Variants in RCL1 observed in about 807,000 individuals in gnomAD.
RCL1 encodes the protein RNA 3'-terminal phosphate cyclase-like protein.
A neutral mutation model predicts 42.4 loss-of-function variants in RCL1; 24 were observed. That is an observed-to-expected ratio of 0.57 (90% CI 0.41 to 0.80). The LOEUF is 0.80. RCL1 is among the 30% of genes least tolerant of loss of function. The pLI, the probability that RCL1 is intolerant of heterozygous loss-of-function variation, is 0.00. For synonymous variants in RCL1, 228 were observed against 177.3 expected, an observed-to-expected ratio of 1.29 and a Z score of -2.27; for missense variants, 578 against 467.9, an observed-to-expected ratio of 1.24 and a Z score of -2.17.
intron 1 of RCL1, among the ~76,000 whole-genome samples, chr9:4,797,663 C>G (rs145166379): frequency 2.7e-4 from 41 of 152,258 alleles, no homozygotes; most frequent in Admixed American, 7.8e-4. Flanking sequence ...TAGAAAAACC[C>G]TGGCCTACTT....
intron 2 of RCL1, among the ~76,000 whole-genome samples, chr9:4,823,891 G>T (rs957067325): frequency 1.3e-5 from 2 of 150,436 alleles, no homozygotes; most frequent in Non-Finnish European, 3.0e-5. Context: ...CATAATAAAA[G>T]CATATCATTC....
chr9:4,807,869 T>C (rs1211084065), intron 1 of RCL1, among the ~76,000 whole-genome samples: 1 of 152,184 alleles, frequency 6.6e-6, no homozygotes, highest in Non-Finnish European at 1.5e-5. Context: ...GTTTGGATAT[T>C]TTCTGCTATT....
chr9:4,815,864 G>A (rs1359704861), intron 1 of RCL1, among the ~76,000 whole-genome samples: 4 of 152,028 alleles, frequency 2.6e-5, no homozygotes, highest in Non-Finnish European at 5.9e-5. Flanking sequence ...GATAGGGATC[G>A]CTAGGATCCT....
chr9:4,858,968 T>C (rs1271254953), intron 8 of RCL1, among the ~76,000 whole-genome samples: 1 of 152,082 alleles, frequency 6.6e-6, no homozygotes, highest in Non-Finnish European at 1.5e-5. Context: ...TGGTGGAGGG[T>C]AGGGAGGGAT....
intron 1 of RCL1, among the ~76,000 whole-genome samples, chr9:4,805,435 A>G (rs183380914): frequency 6.6e-6 from 1 of 152,174 alleles, no homozygotes; most frequent in Non-Finnish European, 1.5e-5. Context: ...CAAAACCAAA[A>G]AACCCCAAAT....
At chr9:4,810,181 T>A (rs1041167718) in intron 1 of RCL1, among the ~76,000 whole-genome samples, 2 of 152,210 alleles carry the variant, frequency 1.3e-5, no homozygotes, top group African/African-American at 4.8e-5. Flanking sequence ...TTCATTTTTT[T>A]AAGTAAATTT....
intron 1 of RCL1, among the ~76,000 whole-genome samples, chr9:4,811,935 T>C (rs575647613): frequency 6.6e-6 from 1 of 152,362 alleles, no homozygotes; most frequent in Non-Finnish European, 1.5e-5. Context: ...TGATTTGCAT[T>C]TCCCTGATAA....
At chr9:4,828,541 TAA>T (rs1367842840) in intron 3 of RCL1, among the ~76,000 whole-genome samples, 7 of 109,608 alleles carry the variant, frequency 6.4e-5, no homozygotes, top group East Asian at 7.1e-4. Flanking sequence ...AATATTTAAT[TAA>T]GTGTTTTTTT....
At chr9:4,806,198 T>G (rs926863160) in intron 1 of RCL1, among the ~76,000 whole-genome samples, 1 of 152,118 alleles carries the variant, frequency 6.6e-6, no homozygotes, top group Non-Finnish European at 1.5e-5. Flanking sequence ...AACAGTTTGA[T>G]TTCTTCATTT....
At chr9:4,836,847 G>C (rs1214655176) in intron 5 of RCL1, 1 of 152,234 alleles carries the variant, frequency 6.6e-6, no homozygotes, top group Non-Finnish European at 1.5e-5. Context: ...GCTCAAACTT[G>C]GGTTGCTGCC....
chr9:4,841,158 C>G, intron 5 of RCL1, 74 bp from the exon 6 acceptor site: 2 of 1,566,210 alleles, frequency 1.3e-6, no homozygotes, highest in Non-Finnish European at 8.8e-7. Context: ...TCCACAAATA[C>G]TTGCCAGCTT....
intron 5 of RCL1, chr9:4,839,740 A>G (rs542424977): frequency 3.1e-6 from 3 of 978,258 alleles, no homozygotes; most frequent in East Asian, 1.1e-4. Context: ...ATTTCTGAGT[A>G]CAAAAGTGGT....
chr9:4,801,114 A>C (rs541566966), intron 1 of RCL1, among the ~76,000 whole-genome samples: 4 of 152,300 alleles, frequency 2.6e-5, no homozygotes, highest in Non-Finnish European at 5.9e-5. Context: ...ATGATGTCTT[A>C]AGTGAAACAT....
At chr9:4,836,494 G>A (rs1368910337) in intron 5 of RCL1, among the ~76,000 whole-genome samples, 6 of 152,084 alleles carry the variant, frequency 3.9e-5, no homozygotes, top group African/African-American at 9.7e-5. Flanking sequence ...TTTTGTTTTG[G>A]GATTTCAGAT....
chr9:4,808,845 G>A (rs1156285345), intron 1 of RCL1, among the ~76,000 whole-genome samples: 1 of 152,100 alleles, frequency 6.6e-6, no homozygotes, highest in Non-Finnish European at 1.5e-5. Context: ...AAGATAGAGG[G>A]CAAAGAAGTT....
chr9:4,858,084 T>C (rs1172778600), intron 8 of RCL1, among the ~76,000 whole-genome samples: 1 of 152,048 alleles, frequency 6.6e-6, no homozygotes, highest in Non-Finnish European at 1.5e-5. Context: ...GGGGTCGTAA[T>C]AGACTGGTCT....
chr9:4,841,297 A>G lies in RCL1; in HGVS notation c.650A>G (p.Asn217Ser). 10 of 1,613,122 alleles carry G rather than the reference A, an allele frequency of 6.2e-6. No individual in the cohort carries two copies. Among genetic ancestry groups the G allele is most frequent in the African/African-American group, 2.7e-5 (2 of 75,018 alleles). ...GTGGATTCTGCAAGGAGCATCCTCA[A>G]CAAGTTCATACCTGATATCTATATT... ...RIVDSARSIL[N>S]KFIPDIYIYT... Residue 217 changes from asparagine to serine, a missense_variant, in exon 6 of 9, where the codon AAC becomes AGC. Asn to Ser is a conservative substitution (Grantham distance 46). Transcript: ENST00000381750.
Position 4,826,878 on chromosome 9 carries a change from C to T in RCL1, c.229C>T (p.Pro77Ser). 1 of 1,613,682 alleles carries T rather than the reference C, an allele frequency of 6.2e-7. No homozygotes were observed. Among genetic ancestry groups the T allele is most frequent in the Non-Finnish European group, 8.5e-7 (1 of 1,179,766 alleles). ...NQTGTTLYYQ[P>S]GLLYGGSVEH... is the part of the protein sequence containing the mutation. ...TTAAGGAACAACCTTATATTATCAG[C>T]CTGGCCTCCTGTATGGTGGATCTGT... is the stretch of plus-strand genomic sequence containing the variant. The change falls in exon 3 of 9, where the codon CCT becomes TCT. Residue 77 changes from proline to serine, a missense_variant. Physicochemically the swap from Pro to Ser is moderately conservative, Grantham distance 74. Coordinates refer to ENST00000381750, the MANE Select transcript of RCL1 (RefSeq NM_005772.5).
At chr9:4,842,258 ACTT>A (rs1213631527) in intron 6 of RCL1, among the ~76,000 whole-genome samples, 4 of 152,208 alleles carry the variant, frequency 2.6e-5, no homozygotes, top group East Asian at 1.9e-4. Flanking sequence ...TAAGAAGTCA[ACTT>A]CTTCTTAAGT....
Sources: gnomAD v4.1 joint callset for allele counts (sites outside exome capture counted in the v4.1 genomes callset) on GRCh38, gnomAD v4.1.1 for gene constraint, MANE v1.5 for transcripts, NCBI Gene and HGNC (gene_info 2026-07-23, HGNC 2026-07-21) for gene names.